Variants in ANO10 observed in about 807,000 individuals in gnomAD.
The protein encoded by ANO10 is anoctamin 10.
Under a neutral mutation model 74.7 loss-of-function variants are expected in ANO10, and 77 were observed. That is an observed-to-expected ratio of 1.03 (90% CI 0.86 to 1.25). The LOEUF is 1.25. Among genes scored for constraint, ANO10 ranks in the 50% most tolerant of loss-of-function variants. The probability of loss-of-function intolerance (pLI) is 0.00; values close to 1 mark genes in which losing one functional copy is unlikely to be tolerated. For synonymous variants in ANO10, 279 were observed against 284.9 expected (o/e 0.98, Z 0.21); for missense variants, 721 against 778.1 (o/e 0.93, Z 0.87).
intron 1 of ANO10, among the ~76,000 whole-genome samples, chr3:43,619,305 TA>T (rs2083271646): frequency 6.6e-6 from 1 of 152,182 alleles, no homozygotes; most frequent in Non-Finnish European, 1.5e-5. Context: ...ATATGACGAC[TA>T]AATACAGTGT....
intron 11 of ANO10, among the ~76,000 whole-genome samples, chr3:43,507,626 G>A (rs2077344318): frequency 6.6e-6 from 1 of 152,076 alleles, no homozygotes; most frequent in East Asian, 1.9e-4. Flanking sequence ...CTGCAGGAGA[G>A]TCACTGGTAG....
chr3:43,562,125 C>CT (rs1689653069), intron 8 of ANO10, among the ~76,000 whole-genome samples: 1 of 152,014 alleles, frequency 6.6e-6, no homozygotes, highest in Non-Finnish European at 1.5e-5. Context: ...AATCCCAGTA[C>CT]TTTGAGAGGC....
At chr3:43,412,401 G>A (rs2092680005) in intron 12 of ANO10, among the ~76,000 whole-genome samples, 1 of 152,156 alleles carries the variant, frequency 6.6e-6, no homozygotes, top group Non-Finnish European at 1.5e-5. Flanking sequence ...GCCAAGACCT[G>A]TGGCTGTTGA....
rs36065814 is a variant in ANO10 at position 43,386,648 on chromosome 3, C to CGTGTGTGTGT, written c.1915-19684_1915-19675dup. Among the ~76,000 whole-genome samples, 893 of 139,982 alleles carry CGTGTGTGTGT rather than the reference C, an allele frequency of 6.4e-3. 13 individuals are homozygous for CGTGTGTGTGT. The highest frequency in any genetic ancestry group is 0.025 in the Admixed American group (353 of 13,878). The allele number at this position is 139,982 out of a possible 152,430, so 91.8% of individuals were successfully genotyped here. On this transcript the variant is annotated intron_variant, in intron 12 of 12. Coordinates refer to ENST00000292246, the MANE Select transcript of ANO10 (RefSeq NM_018075.5). Reference sequence around the variant, plus strand: ...TTTGAAAGTTGTGTGTAGGTGTGTACGTGTGTGTGTGTGTGTGTGTGTGTG... The same window carrying CGTGTGTGTGT: ...TTTGAAAGTTGTGTGTAGGTGTGTACGTGTGTGTGTGTGTGTGTGTGTGTGTGTGTGTGTG...
chr3:43,690,866 T>G (rs904280326), intron 1 of ANO10: 1 of 1,059,948 alleles, frequency 9.4e-7, no homozygotes, highest in Non-Finnish European at 1.3e-6. Context: ...CGCCGGGCCG[T>G]GCTAGTGCGC....
chr3:43,559,124 G>A (rs2079903158), intron 9 of ANO10, among the ~76,000 whole-genome samples: 1 of 152,112 alleles, frequency 6.6e-6, no homozygotes, highest in South Asian at 2.1e-4. Context: ...TTTTGACATG[G>A]GAATAGCCAT....
intron 11 of ANO10, among the ~76,000 whole-genome samples, chr3:43,503,668 C>T (rs933606349): frequency 3.3e-5 from 5 of 152,210 alleles, no homozygotes; most frequent in African/African-American, 1.2e-4. Flanking sequence ...ATGAAAACAT[C>T]TCTGAAGAAA....
intron 12 of ANO10, among the ~76,000 whole-genome samples, chr3:43,418,891 G>A (rs2092780195): frequency 6.6e-6 from 1 of 152,246 alleles, no homozygotes; most frequent in African/African-American, 2.4e-5. Context: ...AAGTTTACTG[G>A]AACATAGCCA....
chr3:43,619,976 T>C (rs72866835), intron 1 of ANO10, among the ~76,000 whole-genome samples: 2,793 of 151,900 alleles, frequency 0.018, 92 homozygotes, highest in African/African-American at 0.064. Flanking sequence ...GATTCACACA[T>C]GACATGAGAT....
intron 12 of ANO10, among the ~76,000 whole-genome samples, chr3:43,375,480 C>G (rs1187035271): frequency 6.6e-6 from 1 of 151,916 alleles, no homozygotes; most frequent in Admixed American, 6.6e-5. Flanking sequence ...AAAAAATATC[C>G]AGAAGTCCTT....
intron 12 of ANO10, among the ~76,000 whole-genome samples, chr3:43,417,379 G>C (rs2092756308): frequency 6.6e-6 from 1 of 152,130 alleles, no homozygotes; most frequent in Admixed American, 6.5e-5. Context: ...CTTCCCCACG[G>C]CTATGTAAAC....
At chr3:43,377,947 T>C (rs1190746757) in intron 12 of ANO10, among the ~76,000 whole-genome samples, 2 of 152,208 alleles carry the variant, frequency 1.3e-5, no homozygotes, top group African/African-American at 2.4e-5. Context: ...TGAGAAAAGA[T>C]GCCTTGGTGA....
chr3:43,489,099 G>T (rs1040634909), intron 11 of ANO10, among the ~76,000 whole-genome samples: 30 of 147,304 alleles, frequency 2.0e-4, no homozygotes, highest in South Asian at 2.2e-4. Flanking sequence ...ATATTCTCAC[G>T]CATAGGTGGG....
At chr3:43,656,960 G>A (rs1408043593) in intron 1 of ANO10, among the ~76,000 whole-genome samples, 1 of 152,268 alleles carries the variant, frequency 6.6e-6, no homozygotes, top group Admixed American at 6.5e-5. Flanking sequence ...AGCAAGGGCT[G>A]TGAGGACTGC....
At chr3:43,481,139 T>C (rs1336105476) in intron 11 of ANO10, among the ~76,000 whole-genome samples, 1 of 151,970 alleles carries the variant, frequency 6.6e-6, no homozygotes, top group African/African-American at 2.4e-5. Context: ...TTTAGAAATA[T>C]AGAGGTAAAC....
At chr3:43,539,011 T>C (rs1365785093) in intron 11 of ANO10, among the ~76,000 whole-genome samples, 3 of 152,202 alleles carry the variant, frequency 2.0e-5, no homozygotes, top group African/African-American at 7.2e-5. Flanking sequence ...CATTTTGGAA[T>C]AAAATGTAAA....
At chr3:43,573,140 G>A (rs762257943) in intron 7 of ANO10, among the ~76,000 whole-genome samples, 2 of 152,042 alleles carry the variant, frequency 1.3e-5, no homozygotes, top group East Asian at 1.9e-4. Context: ...TAACCTTTTC[G>A]AATGAACTTT....
intron 1 of ANO10, among the ~76,000 whole-genome samples, chr3:43,644,542 C>T (rs150224241): frequency 2.2e-3 from 329 of 152,302 alleles, no homozygotes; most frequent in African/African-American, 7.3e-3. Flanking sequence ...CAAGATCTGG[C>T]CTACCTGGCC....
At chr3:43,564,972 A>G (rs1040202478) in intron 8 of ANO10, among the ~76,000 whole-genome samples, 4 of 152,188 alleles carry the variant, frequency 2.6e-5, no homozygotes, top group African/African-American at 9.6e-5. Flanking sequence ...TGTACATCCA[A>G]CTCATCAATT....
Sources: gnomAD v4.1 joint callset for allele counts (sites outside exome capture counted in the v4.1 genomes callset) on GRCh38, gnomAD v4.1.1 for gene constraint, MANE v1.5 for transcripts, NCBI Gene and HGNC (gene_info 2026-07-23, HGNC 2026-07-21) for gene names.